POFUT4: variants seen among roughly 807,000 people sequenced by gnomAD.
POFUT4 encodes GDP-fucose protein O-fucosyltransferase 4.
the POFUT4 span, chr10:73,775,031 T>A: frequency 5.2e-6 from 1 of 192,636 alleles, no homozygotes; most frequent in East Asian, 1.3e-4. Flanking sequence ...ACAAATTGTT[T>A]GTATCTGAAC....
the POFUT4 span, chr10:73,775,847 G>C: frequency 1.4e-6 from 1 of 721,752 alleles, no homozygotes; most frequent in Non-Finnish European, 2.3e-6. Context: ...ATGATGAGTA[G>C]CCAAGGTCTA....
the POFUT4 span, chr10:73,775,708 C>T: frequency 1.2e-6 from 2 of 1,613,160 alleles, no homozygotes; most frequent in Admixed American, 1.7e-5. Flanking sequence ...GAGCCTTTAA[C>T]TTGGCGGAGC....
chr10:73,772,862 T>A, the POFUT4 span: 2 of 1,612,206 alleles, frequency 1.2e-6, no homozygotes, highest in South Asian at 2.2e-5. Context: ...CCACTCGGAT[T>A]ACCCGCTGTC....
the POFUT4 span, among the ~76,000 whole-genome samples, chr10:73,776,623 A>G: frequency 2.6e-5 from 4 of 152,254 alleles, no homozygotes; most frequent in Admixed American, 2.0e-4. Flanking sequence ...TAAGGCTGCA[A>G]TGAGCTATGA....
the POFUT4 span, among the ~76,000 whole-genome samples, chr10:73,778,247 G>A: frequency 6.6e-6 from 1 of 151,250 alleles, no homozygotes; most frequent in South Asian, 2.1e-4. Context: ...CTTAGTCAGA[G>A]CTGGGCACGG....
the POFUT4 span, chr10:73,779,814 C>T: frequency 6.6e-6 from 1 of 152,174 alleles, no homozygotes; most frequent in Non-Finnish European, 1.5e-5. Context: ...CATTGGCATT[C>T]CTTTCATACT....
the POFUT4 span, among the ~76,000 whole-genome samples, chr10:73,778,328 G>A: frequency 6.7e-6 from 1 of 150,228 alleles, no homozygotes; most frequent in Non-Finnish European, 1.5e-5. Flanking sequence ...GGGAGGCAGA[G>A]GTTGCAGTGA....
the POFUT4 span, chr10:73,774,331 A>AG: frequency 6.6e-6 from 1 of 152,510 alleles, no homozygotes; most frequent in African/African-American, 2.4e-5. Context: ...GGCTGTGCTG[A>AG]GGATGAGCCC....
the POFUT4 span, chr10:73,774,023 GA>G: frequency 1.8e-6 from 1 of 561,352 alleles, no homozygotes; most frequent in Non-Finnish European, 3.1e-6. Flanking sequence ...GGCAACGTAT[GA>G]AAATCAGCTT....
At chr10:73,773,722 T>G in the POFUT4 span, 4 of 1,614,164 alleles carry the variant, frequency 2.5e-6, no homozygotes, top group Non-Finnish European at 2.5e-6. Flanking sequence ...GACAGCCCCG[T>G]CTTTGAGCCC....
the POFUT4 span, chr10:73,776,231 CTTATT>C: frequency 2.0e-5 from 3 of 151,938 alleles, no homozygotes; most frequent in Non-Finnish European, 2.9e-5. Context: ...TTCTATTTTA[CTTATT>C]TATTTATTTT....
chr10:73,773,217 A>C, the POFUT4 span: 1 of 1,612,696 alleles, frequency 6.2e-7, no homozygotes, highest in Non-Finnish European at 8.5e-7. Context: ...ATGCCTGCAG[A>C]ATCGGGAGCT....
the POFUT4 span, chr10:73,772,716 GC>G: frequency 1.9e-6 from 3 of 1,586,300 alleles, no homozygotes; most frequent in African/African-American, 4.0e-5. Flanking sequence ...ACAGACTTCC[GC>G]GCGTCGGCCG....
chr10:73,773,195 C>G, the POFUT4 span: 1 of 1,609,066 alleles, frequency 6.2e-7, no homozygotes, highest in Non-Finnish European at 8.5e-7. Flanking sequence ...TCTAGGTAGA[C>G]TCCTACGGGA....
the POFUT4 span, chr10:73,775,340 T>C: frequency 3.2e-6 from 4 of 1,251,456 alleles, no homozygotes; most frequent in Non-Finnish European, 4.5e-6. Flanking sequence ...GTAGTCTGTG[T>C]GATGTCTTTG....
At chr10:73,772,531 G>C in the POFUT4 span, 13 of 1,567,260 alleles carry the variant, frequency 8.3e-6, no homozygotes, top group Non-Finnish European at 1.0e-5. Context: ...GGACGCCGCG[G>C]CCAGGGAGGG....
chr10:73,772,370 C>T, the POFUT4 span: 1 of 1,548,806 alleles, frequency 6.5e-7, no homozygotes, highest in South Asian at 1.2e-5. Context: ...GTTGGTCCTT[C>T]TAGGGGTGCT....
At chr10:73,780,029 T>C in the POFUT4 span, 1 of 152,238 alleles carries the variant, frequency 6.6e-6, no homozygotes, top group Non-Finnish European at 1.5e-5. Flanking sequence ...AAGCTTCACT[T>C]TCCCTATAGA....
the POFUT4 span, chr10:73,774,046 G>GT: frequency 1.9e-6 from 1 of 513,866 alleles, no homozygotes; most frequent in Admixed American, 3.8e-5. Context: ...TGTGAACAAT[G>GT]TTTCCAGTAG....
Sources: gnomAD v4.1 joint callset for allele counts (sites outside exome capture counted in the v4.1 genomes callset) on GRCh38, gnomAD v4.1.1 for gene constraint, MANE v1.5 for transcripts, NCBI Gene and HGNC (gene_info 2026-07-23, HGNC 2026-07-21) for gene names.